RBFOX1: variants seen among roughly 807,000 people sequenced by gnomAD.
The protein encoded by RBFOX1 is RNA binding protein fox-1 homolog 1.
RBFOX1 carries 8 observed loss-of-function variants against 57.7 expected under a neutral mutation model. The ratio of observed to expected loss-of-function variants is 0.14; its 90% CI spans 0.08 to 0.25. The LOEUF is 0.25. RBFOX1 is among the 10% of genes least tolerant of loss of function. RBFOX1 has a pLI of 1.00. For synonymous variants in RBFOX1, 326 were observed against 222.4 expected (o/e 1.47, Z -4.15); for missense variants, 611 against 548.5 (o/e 1.11, Z -1.14).
chr16:5,736,348 C>T (rs924916277), intron 3 of RBFOX1, among the ~76,000 whole-genome samples: 6 of 152,158 alleles, frequency 3.9e-5, no homozygotes, highest in Non-Finnish European at 7.3e-5. Flanking sequence ...AGCGACCCCT[C>T]CTCCCATCTT....
chr16:6,176,712 A>G (rs1307648095), intron 1 of RBFOX1, among the ~76,000 whole-genome samples: 5 of 151,388 alleles, frequency 3.3e-5, no homozygotes, highest in East Asian at 1.9e-4. Context: ...TTCTTTTCCA[A>G]TCTGACCAAG....
At chr16:7,491,038 C>G (rs2066801005) in intron 4 of RBFOX1, among the ~76,000 whole-genome samples, 2 of 152,154 alleles carry the variant, frequency 1.3e-5, no homozygotes, top group African/African-American at 4.8e-5. Context: ...TCCATCAACT[C>G]CAGATTCTAA....
chr16:6,448,240 A>G (rs2094526941), intron 2 of RBFOX1, among the ~76,000 whole-genome samples: 1 of 133,192 alleles, frequency 7.5e-6, no homozygotes, highest in Non-Finnish European at 1.5e-5. Flanking sequence ...GCTCACTGCA[A>G]TCTCCCCCTC....
At chr16:6,076,434 T>G (rs1049480715) in intron 1 of RBFOX1, among the ~76,000 whole-genome samples, 2 of 152,242 alleles carry the variant, frequency 1.3e-5, no homozygotes, top group African/African-American at 2.4e-5. Context: ...CGAGTGCCCA[T>G]GCAGTGTTTG....
At chr16:7,448,927 GTTTTTTT>G (rs71147700) in intron 4 of RBFOX1, among the ~76,000 whole-genome samples, 3 of 82,964 alleles carry the variant, frequency 3.6e-5, no homozygotes, top group African/African-American at 9.2e-5. Context: ...TCTTTCCCCT[GTTTTTTT>G]TTTTTTTTTT....
At chr16:6,442,007 A>G (rs1260199291) in intron 2 of RBFOX1, among the ~76,000 whole-genome samples, 1 of 152,158 alleles carries the variant, frequency 6.6e-6, no homozygotes, top group African/African-American at 2.4e-5. Context: ...CTTTCTAAAG[A>G]TTGCTCTGAG....
intron 3 of RBFOX1, among the ~76,000 whole-genome samples, chr16:5,856,249 A>ATG (rs1178229771): frequency 0.1 from 4,728 of 45,638 alleles, 595 homozygotes; most frequent in Non-Finnish European, 0.15. Context: ...GTGTATATAT[A>ATG]TGTATATATA....
chr16:6,139,753 T>G (rs1436255979), intron 1 of RBFOX1, among the ~76,000 whole-genome samples: 3 of 152,246 alleles, frequency 2.0e-5, no homozygotes, highest in African/African-American at 4.8e-5. Context: ...GTTTTTTTCT[T>G]GATTTCTCCT....
In RBFOX1 at chr16:7,034,848, C is replaced by CTTT. The variant is rs58405378; in HGVS notation, c.-15-17193_-15-17191dup. Among the ~76,000 whole-genome samples, 110 of 30,836 alleles carry CTTT rather than the reference C, an allele frequency of 3.6e-3. 26 individuals carry two copies. Among genetic ancestry groups the CTTT allele is most frequent in the African/African-American group, 0.016 (93 of 5,748 alleles). 20.2% of individuals were successfully genotyped at this position (30,836 alleles called of 152,430 possible). A position where few individuals can be genotyped will look rare whatever the true frequency, so the allele number is the denominator to read the frequency against. On this transcript the variant is annotated intron_variant, in intron 3 of 15. Transcript: ENST00000550418. ...ATTACTTTTTTTTTTTTTCTTTTTT[C>CTTT]TTTTTTTTTTTTTTTTTTGAGATGG...
At chr16:6,642,854 C>G (rs985287255) in intron 2 of RBFOX1, among the ~76,000 whole-genome samples, 3 of 152,096 alleles carry the variant, frequency 2.0e-5, no homozygotes, top group Admixed American at 6.5e-5. Flanking sequence ...GCAGCTCTGC[C>G]CTGCAACCTA....
At chr16:6,772,647 T>A (rs1180902812) in intron 3 of RBFOX1, among the ~76,000 whole-genome samples, 1 of 150,930 alleles carries the variant, frequency 6.6e-6, no homozygotes, top group East Asian at 2.0e-4. Context: ...TGCATTTGTG[T>A]GTGTGTGTGT....
chr16:7,698,593 C>A (rs1200154829), intron 14 of RBFOX1, among the ~76,000 whole-genome samples: 1 of 152,124 alleles, frequency 6.6e-6, no homozygotes, highest in Admixed American at 6.6e-5. Context: ...AGAAGTTTCC[C>A]AATTGGCCAT....
At chr16:6,867,000 T>G (rs572506451) in intron 3 of RBFOX1, among the ~76,000 whole-genome samples, 41 of 132,328 alleles carry the variant, frequency 3.1e-4, no homozygotes, top group African/African-American at 1.2e-3. Flanking sequence ...AGTCAGAGTC[T>G]GTGTTAGCTG....
intron 5 of RBFOX1, among the ~76,000 whole-genome samples, chr16:7,534,635 AT>A (rs1567707925): frequency 6.6e-6 from 1 of 151,892 alleles, no homozygotes; most frequent in Non-Finnish European, 1.5e-5. Context: ...TCTTCAGACA[AT>A]TTTTTCACCA....
chr16:6,438,655 C>T (rs1009897071), intron 2 of RBFOX1, among the ~76,000 whole-genome samples: 2 of 152,028 alleles, frequency 1.3e-5, no homozygotes, highest in African/African-American at 2.4e-5. Flanking sequence ...TTGGGGTTGG[C>T]GTTGTTTGGT....
chr16:5,823,377 C>G (rs2055923133), intron 3 of RBFOX1, among the ~76,000 whole-genome samples: 1 of 152,190 alleles, frequency 6.6e-6, no homozygotes, highest in African/African-American at 2.4e-5. Flanking sequence ...AACTAATGAG[C>G]TGGCAGAGTC....
chr16:6,551,917 A>T (rs1249783257), intron 2 of RBFOX1, among the ~76,000 whole-genome samples: 2 of 151,978 alleles, frequency 1.3e-5, no homozygotes, highest in Admixed American at 6.5e-5. Context: ...GATCCAGTCT[A>T]CTCTTTAAAT....
At chr16:7,691,371 A>G (rs1489409467) in intron 14 of RBFOX1, among the ~76,000 whole-genome samples, 1 of 141,574 alleles carries the variant, frequency 7.1e-6, no homozygotes, top group Non-Finnish European at 1.5e-5. Context: ...TAGGTTTTCA[A>G]AAAAAAAAAG....
chr16:5,810,724 C>T (rs1355797193), intron 3 of RBFOX1, among the ~76,000 whole-genome samples: 2 of 152,198 alleles, frequency 1.3e-5, no homozygotes, highest in Non-Finnish European at 2.9e-5. Context: ...CCATTTGGGA[C>T]TAAGACCTCA....
Sources: gnomAD v4.1 joint callset for allele counts (sites outside exome capture counted in the v4.1 genomes callset) on GRCh38, gnomAD v4.1.1 for gene constraint, MANE v1.5 for transcripts, NCBI Gene and HGNC (gene_info 2026-07-23, HGNC 2026-07-21) for gene names.